The following PRMT8 variants were observed in gnomAD, a reference collection of about 807,000 sequenced individuals.
PRMT8 encodes protein arginine methyltransferase 8.
In PRMT8, 7 loss-of-function variants were observed where a neutral mutation model predicts 47.1. That is an observed-to-expected ratio of 0.15 (90% CI 0.08 to 0.28). The LOEUF (loss-of-function observed/expected upper bound fraction) is 0.28, where lower values mean the gene tolerates loss of function less well. Ranked by LOEUF, PRMT8 falls within the 10% of genes least tolerant of loss-of-function variation. The pLI, the probability that PRMT8 is intolerant of heterozygous loss-of-function variation, is 1.00. For missense variants in PRMT8, 237 were observed against 505.4 expected, an observed-to-expected ratio of 0.47 and a Z score of 5.09; for synonymous variants, 188 against 186.5, an observed-to-expected ratio of 1.01 and a Z score of -0.07.
chr12:3,472,025 G>T (rs1339041157), intron 1 of PRMT8, among the ~76,000 whole-genome samples: 1 of 152,184 alleles, frequency 6.6e-6, no homozygotes, highest in Non-Finnish European at 1.5e-5. Flanking sequence ...TCGGGTGGGG[G>T]CAGTGCTTTG....
chr12:3,536,797 T>C (rs1866125813), intron 1 of PRMT8, among the ~76,000 whole-genome samples: 1 of 152,216 alleles, frequency 6.6e-6, no homozygotes, highest in Non-Finnish European at 1.5e-5. Context: ...CTGGAAGTGG[T>C]GGAACAATCT....
chr12:3,461,891 CA>C (rs1224671685), intron 1 of PRMT8, among the ~76,000 whole-genome samples: 1 of 151,996 alleles, frequency 6.6e-6, no homozygotes, highest in African/African-American at 2.4e-5. Context: ...AAAACCAAAA[CA>C]AAACAAAAAT....
chr12:3,478,868 C>G (rs2137100062), intron 1 of PRMT8, among the ~76,000 whole-genome samples: 1 of 152,342 alleles, frequency 6.6e-6, no homozygotes, highest in African/African-American at 2.4e-5. Flanking sequence ...AAATCAGTCA[C>G]TAGGTCAATG....
At chr12:3,480,659 C>A (rs990047271) in intron 1 of PRMT8, among the ~76,000 whole-genome samples, 1 of 149,024 alleles carries the variant, frequency 6.7e-6, no homozygotes, top group African/African-American at 2.5e-5. Context: ...CCTCCCCCCA[C>A]CGCTTTCTTA....
intron 7 of PRMT8, among the ~76,000 whole-genome samples, chr12:3,579,179 T>C (rs1486960340): frequency 1.3e-5 from 2 of 152,182 alleles, no homozygotes; most frequent in Non-Finnish European, 2.9e-5. Context: ...TGCAACTGAA[T>C]TTGCCAAAAT....
chr12:3,432,694 T>C (rs1864694489), intron 1 of PRMT8, among the ~76,000 whole-genome samples: 1 of 152,132 alleles, frequency 6.6e-6, no homozygotes, highest in African/African-American at 2.4e-5. Context: ...TTCTAGGTGC[T>C]CATCTTTATG....
chr12:3,396,211 C>T (rs1346611852), intron 1 of PRMT8, among the ~76,000 whole-genome samples: 3 of 152,264 alleles, frequency 2.0e-5, no homozygotes, highest in African/African-American at 4.8e-5. Context: ...AGTCCATTTA[C>T]ATTTAAAGTT....
At chr12:3,451,606 C>A (rs986832727) in intron 1 of PRMT8, among the ~76,000 whole-genome samples, 2 of 152,198 alleles carry the variant, frequency 1.3e-5, no homozygotes, top group African/African-American at 4.8e-5. Context: ...GGCCATGAGG[C>A]ATACATGGGT....
rs1864405062 is a variant in PRMT8, at chr12:3,409,531, C to G, written c.48+28089C>G. The stretch of plus-strand genomic sequence containing the variant: ...GAAGCATGGAGCAGCACAGCAATGA[C>G]TCTATTCATCGAGGAGGTGGGGTGC... On this transcript the variant is annotated intron_variant, in intron 1 of 9. Transcript: ENST00000452611. The surrounding 1 kb of genome is among the most constrained non-coding windows in gnomAD (Gnocchi z 4.4). 6.6e-6 allele frequency among the ~76,000 whole-genome samples: 1 copy of G among 152,060 alleles called. No homozygotes were observed. The highest frequency in any genetic ancestry group is 2.1e-4 in the South Asian group (1 of 4,820).
At chr12:3,429,551 C>G (rs1465428423) in intron 1 of PRMT8, among the ~76,000 whole-genome samples, 2 of 152,166 alleles carry the variant, frequency 1.3e-5, no homozygotes, top group African/African-American at 4.8e-5. Context: ...ATCAGAGTAT[C>G]AAGAAATCCA....
At chr12:3,441,973 T>A (rs1269953850) in intron 1 of PRMT8, among the ~76,000 whole-genome samples, 2 of 152,186 alleles carry the variant, frequency 1.3e-5, no homozygotes, top group East Asian at 3.8e-4. Context: ...AAACTCTGGA[T>A]CAGAGAATCA....
intron 1 of PRMT8, among the ~76,000 whole-genome samples, chr12:3,417,136 AT>A (rs1864491767): frequency 6.6e-6 from 1 of 152,170 alleles, no homozygotes; most frequent in Non-Finnish European, 1.5e-5. Flanking sequence ...AGCCAAGGAG[AT>A]TTATAAACCA....
intron 1 of PRMT8, among the ~76,000 whole-genome samples, chr12:3,478,098 A>T (rs1482870267): frequency 6.6e-6 from 1 of 152,182 alleles, no homozygotes; most frequent in Non-Finnish European, 1.5e-5. Context: ...GGCCCAGGAA[A>T]GGTTTGGAAA....
At chr12:3,553,517 C>T in intron 3 of PRMT8, 134 bp from the exon 4 acceptor site, 4 of 772,262 alleles carry the variant, frequency 5.2e-6, no homozygotes, top group East Asian at 2.5e-5. Flanking sequence ...TTTCAGTCTG[C>T]CACAAAGTTG....
intron 1 of PRMT8, among the ~76,000 whole-genome samples, chr12:3,429,030 A>C (rs950493260): frequency 1.2e-4 from 18 of 147,006 alleles, no homozygotes; most frequent in African/African-American, 1.8e-4. Flanking sequence ...CTCTCTCTCT[A>C]TCTCTCTTTC....
At chr12:3,489,195 G>A (rs1865349127), upstream of PRMT8, among the ~76,000 whole-genome samples, 1 of 152,104 alleles carries the variant, frequency 6.6e-6, no homozygotes, top group Non-Finnish European at 1.5e-5. Context: ...GAGAAGCCAA[G>A]CAAAGCAAAA....
rs969232793 is a variant in PRMT8, at chr12:3,456,510, C to T, written c.48+75068C>T. Among the ~76,000 whole-genome samples the T allele has an allele frequency of 1.3e-5, 2 of 152,304 alleles. No homozygotes were observed. The highest frequency in any genetic ancestry group is 1.9e-4 in the East Asian group (1 of 5,178). On this transcript the variant is annotated intron_variant, in intron 1 of 9. Transcript: ENST00000452611. This position sits in a 1 kb window ranked among gnomAD's most constrained non-coding sequence, Gnocchi z 4.2. ...AGGGCAGGACCCACGAGCACACATT[C>T]GGCATCACGAGCGATCTGTTGTGCA...
rs1261886178 is a variant in PRMT8, at chr12:3,536,000, C to A, written c.76-4606C>A. On this transcript the variant is annotated intron_variant, in intron 1 of 9. Coordinates refer to ENST00000382622, the MANE Select transcript of PRMT8 (RefSeq NM_019854.5). This position sits in a 1 kb window ranked among gnomAD's most constrained non-coding sequence, Gnocchi z 4.7. Reference sequence around the variant, plus strand: ...CCTATCCCCTGTGCTCCTCAAGTCTCAAGAGCCTTCAGTTGTGGCTGAACA... The same window carrying A: ...CCTATCCCCTGTGCTCCTCAAGTCTAAAGAGCCTTCAGTTGTGGCTGAACA... 6.6e-6 allele frequency among the ~76,000 whole-genome samples: 1 copy of A among 152,188 alleles called. No homozygotes were observed. The highest frequency in any genetic ancestry group is 6.5e-5 in the Admixed American group (1 of 15,288).
At chr12:3,559,644 A>G (rs1013403458) in intron 4 of PRMT8, among the ~76,000 whole-genome samples, 1 of 152,126 alleles carries the variant, frequency 6.6e-6, no homozygotes, top group Non-Finnish European at 1.5e-5. Flanking sequence ...ATGTTTGCTT[A>G]CTACTCACTT....
Sources: allele counts gnomAD v4.1 joint callset (sites outside exome capture counted in the v4.1 genomes callset), GRCh38; gene constraint gnomAD v4.1.1; non-coding constraint Gnocchi (gnomAD v3.1); transcripts MANE v1.5; gene names NCBI Gene and HGNC (gene_info 2026-07-23, HGNC 2026-07-21).